Variants in PDE4D observed in about 807,000 individuals in gnomAD.
PDE4D encodes phosphodiesterase 4D, also known as 3',5'-cyclic-AMP phosphodiesterase 4D.
A neutral mutation model predicts 87.4 loss-of-function variants in PDE4D; 24 were observed. The observed-to-expected ratio is 0.27, with a 90% CI of 0.20 to 0.39. The LOEUF is 0.39. Ranked by LOEUF, PDE4D falls within the 10% of genes least tolerant of loss-of-function variation. The pLI is 1.00. For synonymous variants in PDE4D, 384 were observed against 383.2 expected (o/e 1.00, Z -0.02); for missense variants, 714 against 1,041.0 (o/e 0.69, Z 4.32).
intron 2 of PDE4D, among the ~76,000 whole-genome samples, chr5:60,036,096 G>C (rs1485634431): frequency 1.3e-5 from 2 of 152,120 alleles, no homozygotes; most frequent in Non-Finnish European, 2.9e-5. Flanking sequence ...ATCATTACCT[G>C]GAAGATCATA....
chr5:59,680,697 T>C (rs187194346), intron 1 of PDE4D, among the ~76,000 whole-genome samples: 41 of 152,230 alleles, frequency 2.7e-4, no homozygotes, highest in African/African-American at 9.9e-4. Context: ...TTACTTCTCT[T>C]TTTCCATAGA....
At chr5:59,590,202 G>A (rs549915381) in intron 1 of PDE4D, among the ~76,000 whole-genome samples, 11 of 152,034 alleles carry the variant, frequency 7.2e-5, no homozygotes, top group Non-Finnish European at 1.6e-4. Flanking sequence ...TAATTTATAG[G>A]CTGATACTTT....
At chr5:60,125,065 C>A (rs959357955) in intron 2 of PDE4D, among the ~76,000 whole-genome samples, 7 of 152,084 alleles carry the variant, frequency 4.6e-5, no homozygotes, top group African/African-American at 1.7e-4. Context: ...AGTGGCTTTT[C>A]CTATTTATCT....
At chr5:59,496,936 T>C (rs1223133601) in intron 1 of PDE4D, among the ~76,000 whole-genome samples, 1 of 152,278 alleles carries the variant, frequency 6.6e-6, no homozygotes, top group Admixed American at 6.5e-5. Flanking sequence ...CTTCTGCCCT[T>C]GCCCCTACCT....
intron 2 of PDE4D, among the ~76,000 whole-genome samples, chr5:60,053,952 C>G (rs1770495805): frequency 6.6e-6 from 1 of 152,180 alleles, no homozygotes; most frequent in Non-Finnish European, 1.5e-5. Flanking sequence ...TACCACTGGT[C>G]ATTAGACAAA....
At chr5:60,402,628 A>T (rs1382007893) in intron 1 of PDE4D, among the ~76,000 whole-genome samples, 1 of 152,208 alleles carries the variant, frequency 6.6e-6, no homozygotes, top group Non-Finnish European at 1.5e-5. Context: ...AGTTTTCCAC[A>T]ATACACACAA....
chr5:60,056,958 A>T (rs1190736133), intron 2 of PDE4D, among the ~76,000 whole-genome samples: 1 of 152,072 alleles, frequency 6.6e-6, no homozygotes, highest in Non-Finnish European at 1.5e-5. Context: ...GACACATTTA[A>T]TATCTTACTA....
chr5:60,230,508 G>C (rs1165768648), intron 1 of PDE4D, among the ~76,000 whole-genome samples: 1 of 152,090 alleles, frequency 6.6e-6, no homozygotes, highest in Non-Finnish European at 1.5e-5. Context: ...TCTGCCACTA[G>C]AAGAGGGACT....
intron 3 of PDE4D, among the ~76,000 whole-genome samples, chr5:59,943,331 T>A (rs1000949586): frequency 1.3e-5 from 2 of 151,846 alleles, no homozygotes; most frequent in African/African-American, 4.8e-5. Flanking sequence ...GCTAAAGGAG[T>A]TCTTTGTCCT....
At chr5:59,891,000 A>G (rs1017711457) in intron 1 of PDE4D, among the ~76,000 whole-genome samples, 4 of 152,236 alleles carry the variant, frequency 2.6e-5, no homozygotes, top group African/African-American at 9.6e-5. Flanking sequence ...GAAAAACATG[A>G]CATGCAATGT....
chr5:60,148,816 A>G (rs757294597), intron 2 of PDE4D, among the ~76,000 whole-genome samples: 8 of 152,192 alleles, frequency 5.3e-5, no homozygotes, highest in Non-Finnish European at 5.9e-5. Context: ...AAATTCAAAG[A>G]GTTTTGAATA....
chr5:59,301,534 T>C (rs1770250759), intron 1 of PDE4D, among the ~76,000 whole-genome samples: 1 of 152,168 alleles, frequency 6.6e-6, no homozygotes, highest in African/African-American at 2.4e-5. Context: ...TTTTTTCCTC[T>C]GTAAATCTAA....
chr5:59,026,573 T>A (rs968586005), intron 6 of PDE4D, among the ~76,000 whole-genome samples: 4 of 152,142 alleles, frequency 2.6e-5, no homozygotes, highest in Admixed American at 2.6e-4. Context: ...GAAGACCTCA[T>A]CAGAACAATA....
At chr5:59,780,413 A>G (rs1409551756) in intron 1 of PDE4D, among the ~76,000 whole-genome samples, 1 of 152,368 alleles carries the variant, frequency 6.6e-6, no homozygotes, top group East Asian at 1.9e-4. Context: ...ATTTTAGTTG[A>G]CCAAGCATTT....
intron 1 of PDE4D, among the ~76,000 whole-genome samples, chr5:59,549,165 T>C (rs1340364177): frequency 3.3e-5 from 5 of 152,188 alleles, no homozygotes; most frequent in Non-Finnish European, 7.3e-5. Context: ...TGGAAGTTCA[T>C]GACGTCTGCC....
At position 59,339,950 on chromosome 5, in the gene PDE4D, A is replaced by T. The variant is rs530207295; in HGVS notation, c.456-123982T>A. 4.7e-4 allele frequency among the ~76,000 whole-genome samples: 67 copies of T among 142,198 alleles called. 1 individual carries two copies. Among genetic ancestry groups the T allele is most frequent in the African/African-American group, 1.3e-3 (51 of 38,952 alleles). The allele number at this position is 142,198 out of a possible 152,430, so 93.3% of individuals were successfully genotyped here. On this transcript the variant is annotated intron_variant, in intron 1 of 14. Transcript: ENST00000340635. ...TTTGTTGTTTTGTTTTGTTTTGTTT[A>T]AAAAAAAAAAAGCAATTCTCATTGG...
chr5:59,743,408 A>C (rs1163088035), intron 1 of PDE4D, among the ~76,000 whole-genome samples: 1 of 152,178 alleles, frequency 6.6e-6, no homozygotes, highest in Non-Finnish European at 1.5e-5. Flanking sequence ...CAAAGATGAT[A>C]TACAGATGGC....
intron 1 of PDE4D, among the ~76,000 whole-genome samples, chr5:60,298,666 T>C (rs1262414686): frequency 6.6e-6 from 1 of 152,234 alleles, no homozygotes; most frequent in Non-Finnish European, 1.5e-5. Context: ...GAACGATTTG[T>C]GAAATGGTTT....
intron 2 of PDE4D, among the ~76,000 whole-genome samples, chr5:60,000,036 A>G (rs574436606): frequency 6.6e-6 from 1 of 152,072 alleles, no homozygotes; most frequent in Non-Finnish European, 1.5e-5. Flanking sequence ...CCAGAGATAC[A>G]AAGAGGAAAA....
Sources: allele counts gnomAD v4.1 joint callset (sites outside exome capture counted in the v4.1 genomes callset), GRCh38; gene constraint gnomAD v4.1.1; transcripts MANE v1.5; gene names NCBI Gene and HGNC (gene_info 2026-07-23, HGNC 2026-07-21).